The following BTLA variants were observed in gnomAD, a reference collection of about 807,000 sequenced individuals.
BTLA encodes the protein B and T lymphocyte associated.
A neutral mutation model predicts 25.0 loss-of-function variants in BTLA; 11 were observed. The observed-to-expected ratio is 0.44, with a 90% CI of 0.28 to 0.73. BTLA has a LOEUF of 0.73. BTLA is among the 30% of genes least tolerant of loss of function. BTLA has a pLI of 0.15. For missense variants in BTLA, 282 were observed against 332.8 expected, an observed-to-expected ratio of 0.85 and a Z score of 1.19; for synonymous variants, 104 against 119.8, an observed-to-expected ratio of 0.87 and a Z score of 0.86.
At chr3:112,489,312 T>C (rs1193962000) in intron 1 of BTLA, among the ~76,000 whole-genome samples, 1 of 152,138 alleles carries the variant, frequency 6.6e-6, no homozygotes, top group East Asian at 1.9e-4. Flanking sequence ...GTGTAGTTGC[T>C]GAGCTGAAGA....
chr3:112,479,909 G>T, intron 1 of BTLA, 140 bp from the exon 2 acceptor site: 1 of 645,970 alleles, frequency 1.5e-6, no homozygotes, highest in Non-Finnish European at 2.7e-6. Context: ...CTTACTAGCA[G>T]AATGTCTCAT....
upstream of BTLA, chr3:112,499,501 G>T: frequency 1.7e-6 from 1 of 598,210 alleles, no homozygotes; most frequent in South Asian, 2.5e-5. Context: ...AGAGAGAGGT[G>T]GTAAGAGAGG....
intron 4 of BTLA, among the ~76,000 whole-genome samples, chr3:112,468,941 G>C (rs2082245053): frequency 6.6e-6 from 1 of 152,076 alleles, no homozygotes; most frequent in Non-Finnish European, 1.5e-5. Flanking sequence ...TTTGTCTTTT[G>C]TGGAATTTTT....
chr3:112,492,943 C>T (rs1055936177), intron 1 of BTLA, among the ~76,000 whole-genome samples: 1 of 152,302 alleles, frequency 6.6e-6, no homozygotes, highest in East Asian at 1.9e-4. Context: ...TGGGACTGAT[C>T]TAACACTCTT....
At chr3:112,485,455 C>T (rs1559828423) in intron 1 of BTLA, among the ~76,000 whole-genome samples, 1 of 152,208 alleles carries the variant, frequency 6.6e-6, no homozygotes, top group Non-Finnish European at 1.5e-5. Flanking sequence ...ACAAAGCTAT[C>T]CCCCAAAAGT....
intron 2 of BTLA, among the ~76,000 whole-genome samples, chr3:112,476,605 C>T (rs2107317651): frequency 6.6e-6 from 1 of 152,234 alleles, no homozygotes; most frequent in African/African-American, 2.4e-5. Context: ...AATTTATGAG[C>T]AACAAAAGAA....
At chr3:112,473,614 T>C (rs1193435608) in intron 2 of BTLA, among the ~76,000 whole-genome samples, 103 of 132,546 alleles carry the variant, frequency 7.8e-4, no homozygotes, top group African/African-American at 2.3e-3. Context: ...TCTTCTTCTT[T>C]TTTTTTTTTT....
At position 112,464,624 on chromosome 3, in the gene BTLA, GTT is replaced by G. The variant is rs1209377274; in HGVS notation, c.*1482_*1483del. ...AAAATCTCTCCACCACAAAACCTCAGTTTTGTCTTTTTGTATATATACCCCAC... is the reference window on the plus strand; with the variant it reads ...AAAATCTCTCCACCACAAAACCTCAGTTGTCTTTTTGTATATATACCCCAC... On this transcript the variant is annotated 3_prime_UTR_variant, in exon 5 of 5. Transcript: ENST00000334529. 1 of 153,956 alleles carries G rather than the reference GTT, an allele frequency of 6.5e-6. No individual in the cohort carries two copies. Among genetic ancestry groups the G allele is most frequent in the African/African-American group, 2.4e-5 (1 of 41,494 alleles). 9.5% of individuals were successfully genotyped at this position (153,956 alleles called of 1,614,324 possible).
At chr3:112,491,783 C>A (rs2082381918) in intron 1 of BTLA, among the ~76,000 whole-genome samples, 1 of 152,116 alleles carries the variant, frequency 6.6e-6, no homozygotes, top group Non-Finnish European at 1.5e-5. Context: ...ATGGTAAAGA[C>A]AAGATGGAAA....
chr3:112,464,336 C>G lies in BTLA; in HGVS notation c.*1772G>C, dbSNP rs558866387. 1.3e-4 allele frequency: 49 copies of G among 388,876 alleles called. No homozygotes were observed. The highest frequency in any genetic ancestry group is 9.9e-4 in the African/African-American group (48 of 48,522). The allele number at this position is 388,876 out of a possible 1,614,324, so 24.1% of individuals were successfully genotyped here. On this transcript the variant is annotated 3_prime_UTR_variant, in exon 5 of 5. Coordinates refer to ENST00000334529, the MANE Select transcript of BTLA (RefSeq NM_181780.4). ...TTGAGAGAATCATGAAGGAACTGTT[C>G]AATTTCGTGTGTTCATCTGATAAGA...
intron 4 of BTLA, among the ~76,000 whole-genome samples, chr3:112,468,885 T>A (rs1344906028): frequency 6.6e-6 from 1 of 152,200 alleles, no homozygotes; most frequent in Non-Finnish European, 1.5e-5. Flanking sequence ...GTGGGGAATG[T>A]TGAATGCCAT....
intron 1 of BTLA, among the ~76,000 whole-genome samples, 200 bp downstream of exon 1, chr3:112,499,071 A>G (rs965405159): frequency 9.9e-5 from 15 of 152,084 alleles, no homozygotes; most frequent in African/African-American, 3.6e-4. Flanking sequence ...TGCGATGCCT[A>G]TGATTAGGCA....
At chr3:112,473,233 AG>A (rs151007741) in intron 2 of BTLA, among the ~76,000 whole-genome samples, 3,341 of 152,072 alleles carry the variant, frequency 0.022, 87 homozygotes, top group African/African-American at 0.064. Flanking sequence ...AGCCTTGGGG[AG>A]GATTCCAGTG....
chr3:112,470,880 C>G (rs2107310739), intron 3 of BTLA, among the ~76,000 whole-genome samples: 1 of 152,282 alleles, frequency 6.6e-6, no homozygotes, highest in South Asian at 2.1e-4. Flanking sequence ...GTTTCAACTT[C>G]CAATCCTGTT....
chr3:112,472,143 C>G (rs2082266074), intron 2 of BTLA, among the ~76,000 whole-genome samples: 1 of 152,134 alleles, frequency 6.6e-6, no homozygotes, highest in Non-Finnish European at 1.5e-5. Context: ...GGGAGGGAGG[C>G]TGGCAACCAG....
Position 112,465,922 on chromosome 3 carries a change from C to T in BTLA, c.*186G>A. The T allele has an allele frequency of 1.8e-6, 1 of 544,086 alleles. No individual in the cohort carries two copies. The highest frequency in any genetic ancestry group is 2.9e-6 in the Non-Finnish European group (1 of 341,764). The allele number at this position is 544,086 out of a possible 1,614,324, so 33.7% of individuals were successfully genotyped here. A position where few individuals can be genotyped will look rare whatever the true frequency, so the allele number is the denominator to read the frequency against. On this transcript the variant is annotated 3_prime_UTR_variant, in exon 5 of 5. Transcript: ENST00000334529. ...TCAAGGCTATAATATAAAAAGCTCC[C>T]AAATAAGTTTCTGAGAGAAATTTTA... is the stretch of plus-strand genomic sequence containing the variant.
chr3:112,483,350 GTTGGTCAGGCTGGTC>G (rs1172635551), intron 1 of BTLA, among the ~76,000 whole-genome samples: 1 of 151,618 alleles, frequency 6.6e-6, no homozygotes, highest in East Asian at 2.0e-4. Context: ...ATTTCTTTAT[GTTGGTCAGGCTGGTC>G]TTGAACTCCC....
At chr3:112,498,281 C>T (rs1418575617) in intron 1 of BTLA, among the ~76,000 whole-genome samples, 2 of 151,980 alleles carry the variant, frequency 1.3e-5, no homozygotes, top group Non-Finnish European at 2.9e-5. Context: ...GTGGAAGGTG[C>T]CTGTAATCCC....
intron 1 of BTLA, among the ~76,000 whole-genome samples, chr3:112,494,735 A>G (rs1220660972): frequency 6.6e-6 from 1 of 152,184 alleles, no homozygotes; most frequent in Non-Finnish European, 1.5e-5. Context: ...GGGGAATAAC[A>G]CAAACCAGAG....
Sources: allele counts gnomAD v4.1 joint callset (sites outside exome capture counted in the v4.1 genomes callset), GRCh38; gene constraint gnomAD v4.1.1; transcripts MANE v1.5; gene names NCBI Gene and HGNC (gene_info 2026-07-23, HGNC 2026-07-21).